Variants in HECA observed in about 807,000 individuals in gnomAD.
HECA encodes the protein HECA ribonucleoprotein granule regulator.
Under a neutral mutation model 37.6 loss-of-function variants are expected in HECA, and 13 were observed. The observed-to-expected ratio is 0.35, with a 90% CI of 0.23 to 0.55. HECA has a LOEUF of 0.55. Among genes scored for constraint, HECA ranks in the 20% least tolerant of loss-of-function variants. HECA has a pLI of 0.90. For synonymous variants in HECA, 307 were observed against 291.5 expected (o/e 1.05, Z -0.54); for missense variants, 527 against 701.9 (o/e 0.75, Z 2.82).
chr6:139,136,640 T>C (rs1028012775), intron 1 of HECA, among the ~76,000 whole-genome samples: 1 of 144,902 alleles, frequency 6.9e-6, no homozygotes, highest in African/African-American at 2.5e-5. Flanking sequence ...TTTTTTGTTT[T>C]GTTTTTTTTT....
intron 2 of HECA, among the ~76,000 whole-genome samples, chr6:139,168,245 C>T (rs953067553): frequency 2.0e-5 from 3 of 152,030 alleles, no homozygotes; most frequent in African/African-American, 4.8e-5. Flanking sequence ...CATCCCCCTC[C>T]TCCTTCCTCT....
rs1159754434 is a variant in HECA at position 139,179,819 on chromosome 6, T to C, written c.*2714T>C. 1 of 152,194 alleles carries C rather than the reference T, an allele frequency of 6.6e-6. No homozygotes were observed. Among genetic ancestry groups the C allele is most frequent in the Non-Finnish European group, 1.5e-5 (1 of 68,030 alleles). 9.4% of individuals were successfully genotyped at this position (152,194 alleles called of 1,614,324 possible). A position where few individuals can be genotyped will look rare whatever the true frequency, so the allele number is the denominator to read the frequency against. ...AAAAGGATATTAGTTACCCAAGAGA[T>C]CCAATTTGTTTTTCTGATGAATAGT... On this transcript the variant is annotated 3_prime_UTR_variant, in exon 4 of 4. Transcript: ENST00000367658.
intron 1 of HECA, among the ~76,000 whole-genome samples, chr6:139,150,176 A>G (rs1774634325): frequency 6.6e-6 from 1 of 152,094 alleles, no homozygotes; most frequent in Non-Finnish European, 1.5e-5. Context: ...CTTCCCTTTT[A>G]GGTTTTGCAT....
At chr6:139,146,789 C>G (rs1179000435) in intron 1 of HECA, among the ~76,000 whole-genome samples, 3 of 152,186 alleles carry the variant, frequency 2.0e-5, no homozygotes, top group Non-Finnish European at 4.4e-5. Flanking sequence ...GCTTCCAGCT[C>G]CTTGGATCCG....
chr6:139,148,636 C>G (rs577401700), intron 1 of HECA, among the ~76,000 whole-genome samples: 2 of 152,196 alleles, frequency 1.3e-5, no homozygotes, highest in African/African-American at 4.8e-5. Flanking sequence ...CATGGTGGCG[C>G]ATGCCTCTTA....
intron 1 of HECA, among the ~76,000 whole-genome samples, chr6:139,140,046 A>AT (rs1284328175): frequency 2.6e-5 from 4 of 152,240 alleles, no homozygotes; most frequent in South Asian, 2.1e-4. Context: ...TGACAAGTAG[A>AT]TTTTTTTTGG....
Position 139,135,299 on chromosome 6 carries a change from C to T in HECA, c.-98C>T. 2.0e-6 allele frequency: 2 copies of T among 1,020,938 alleles called. No homozygotes were observed. Among genetic ancestry groups the T allele is most frequent in the Non-Finnish European group, 2.4e-6 (2 of 818,460 alleles). 63.2% of individuals were successfully genotyped at this position (1,020,938 alleles called of 1,614,324 possible). The stretch of plus-strand genomic sequence containing the variant: ...GAACCGCCGGCTCGCGCCCTCCGTT[C>T]TTTCCCGGAGCCGGCTTCACGCAGG... On this transcript the variant is annotated 5_prime_UTR_variant, in exon 1 of 4. Transcript: ENST00000367658.
Position 139,176,467 on chromosome 6 carries a change from T to C in HECA, c.1468-474T>C, listed in dbSNP as rs1209788825. Among the ~76,000 whole-genome samples, 1 of 152,208 alleles carries C rather than the reference T, an allele frequency of 6.6e-6. No homozygotes were observed. The highest frequency in any genetic ancestry group is 1.5e-5 in the Non-Finnish European group (1 of 68,036). On this transcript the variant is annotated intron_variant, in intron 3 of 3. Transcript: ENST00000367658. This position sits in a 1 kb window ranked among gnomAD's most constrained non-coding sequence, Gnocchi z 4.5. ...AGGCATGAGTGAAGATGCAGGGTGC[T>C]GGGAACTCCAGAAGCCTCAGACCAG...
Position 139,167,198 on chromosome 6 carries a change from G to T in HECA, c.1186G>T (p.Val396Leu), listed in dbSNP as rs541841684. 1 of 1,614,062 alleles carries T rather than the reference G, an allele frequency of 6.2e-7. No individual in the cohort carries two copies. Among genetic ancestry groups the T allele is most frequent in the African/African-American group, 1.3e-5 (1 of 74,918 alleles). The change falls in exon 2 of 4, where the codon GTA becomes TTA. Residue 396 changes from valine (V) to leucine (L), a missense_variant. Val to Leu is a conservative substitution (Grantham distance 32, BLOSUM62 1). Transcript: ENST00000367658. ...GCTCAGTGCCAGCCACAGAAACGTGGTAAACTGTGCCCTGTGCCACCGGGC... is the reference window on the plus strand; with the variant it reads ...GCTCAGTGCCAGCCACAGAAACGTGTTAAACTGTGCCCTGTGCCACCGGGC... The part of the protein sequence containing the change: ...AALSASHRNV[V>L]NCALCHRALP...
chr6:139,158,619 C>T (rs1184626361), intron 1 of HECA, among the ~76,000 whole-genome samples: 1 of 145,160 alleles, frequency 6.9e-6, no homozygotes, highest in Non-Finnish European at 1.5e-5. Flanking sequence ...TGCAGTAAGC[C>T]ATGACCATGC....
intron 1 of HECA, among the ~76,000 whole-genome samples, chr6:139,162,416 A>G (rs996265556): frequency 6.6e-6 from 1 of 152,148 alleles, no homozygotes; most frequent in African/African-American, 2.4e-5. Context: ...TCTGCATTTT[A>G]TACAGAGGAA....
chr6:139,142,087 C>T (rs553875471), intron 1 of HECA, among the ~76,000 whole-genome samples: 16 of 151,976 alleles, frequency 1.1e-4, no homozygotes, highest in East Asian at 9.7e-4. Context: ...CCACCACACC[C>T]GGCTAATTTT....
chr6:139,136,524 A>T lies in HECA; in HGVS notation c.271+857A>T, dbSNP rs532251843. Among the ~76,000 whole-genome samples the T allele has an allele frequency of 2.0e-5, 3 of 152,242 alleles. No homozygotes were observed. In the East Asian group the frequency reaches 5.8e-4, roughly 29 times the overall value. ...ATTCCTCTAGTCAGGCACTTTTTCC[A>T]GGAAGACAACGTAGGTATTTTAATG... On this transcript the variant is annotated intron_variant, in intron 1 of 3. Transcript: ENST00000367658.
At chr6:139,165,404 C>T (rs1464814186) in intron 1 of HECA, among the ~76,000 whole-genome samples, 6 of 152,132 alleles carry the variant, frequency 3.9e-5, no homozygotes, top group Non-Finnish European at 1.5e-5. Flanking sequence ...TACATTTACA[C>T]ATCATTGTCA....
intron 1 of HECA, among the ~76,000 whole-genome samples, chr6:139,165,585 T>C (rs1247304256): frequency 7.5e-6 from 1 of 133,040 alleles, no homozygotes; most frequent in Non-Finnish European, 1.6e-5. Flanking sequence ...TGGCAACCAC[T>C]TTTTTTTTTT....
chr6:139,156,647 C>T (rs1233834702), intron 1 of HECA, among the ~76,000 whole-genome samples: 4 of 152,148 alleles, frequency 2.6e-5, no homozygotes, highest in Non-Finnish European at 5.9e-5. Flanking sequence ...GAAATAAACT[C>T]AGAAGTATGA....
At chr6:139,159,365 G>C (rs1774763998) in intron 1 of HECA, 1 of 152,134 alleles carries the variant, frequency 6.6e-6, no homozygotes, top group Non-Finnish European at 1.5e-5. Flanking sequence ...TAATAAAACA[G>C]TTTTGAAACC....
chr6:139,166,770 A>G lies in HECA; in HGVS notation c.758A>G (p.Lys253Arg), dbSNP rs756949496. The G allele has an allele frequency of 1.9e-6, 3 of 1,613,800 alleles. No individual in the cohort carries two copies. Among genetic ancestry groups the G allele is most frequent in the Non-Finnish European group, 2.5e-6 (3 of 1,179,934 alleles). The change falls in exon 2 of 4, where the codon AAG (lysine) becomes AGG (arginine). Residue 253 changes from lysine to arginine, a missense_variant. This residue lies in a region of HECA where 228 missense variants were observed against 259.8 expected (regional missense o/e 0.88). Coordinates refer to ENST00000367658, the MANE Select transcript of HECA (RefSeq NM_016217.3). ...HSMDRQNSQE[K>R]AVGAAAYGAR... Reference sequence around the variant, plus strand: ...ATGGACCGGCAGAACTCCCAGGAGAAGGCAGTGGGTGCCGCAGCCTACGGT... The same window carrying G: ...ATGGACCGGCAGAACTCCCAGGAGAGGGCAGTGGGTGCCGCAGCCTACGGT...
chr6:139,137,631 C>CT lies in HECA; in HGVS notation c.271+1981dup, dbSNP rs34487492. Among the ~76,000 whole-genome samples, 1,062 of 123,668 alleles carry CT rather than the reference C, an allele frequency of 8.6e-3. 21 individuals are homozygous for CT. Among genetic ancestry groups the CT allele is most frequent in the East Asian group, 0.024 (106 of 4,492 alleles). The allele number at this position is 123,668 out of a possible 152,430, so 81.1% of individuals were successfully genotyped here. A position where few individuals can be genotyped will look rare whatever the true frequency, so the allele number is the denominator to read the frequency against. On this transcript the variant is annotated intron_variant, in intron 1 of 3. Coordinates refer to ENST00000367658, the MANE Select transcript of HECA (RefSeq NM_016217.3). Reference sequence around the variant, plus strand: ...GCTCTGCCCACCCCCCTACCAGCTCCTTTTTTTTTTTTTTTTTGGCCTATG... The same window carrying CT: ...GCTCTGCCCACCCCCCTACCAGCTCCTTTTTTTTTTTTTTTTTTGGCCTATG...
Sources: allele counts gnomAD v4.1 joint callset (sites outside exome capture counted in the v4.1 genomes callset), GRCh38; gene constraint gnomAD v4.1.1; regional missense constraint gnomAD v4.1.1; non-coding constraint Gnocchi (gnomAD v3.1); transcripts MANE v1.5; gene names NCBI Gene and HGNC (gene_info 2026-07-23, HGNC 2026-07-21).